Variants in PTPRT observed in about 807,000 individuals in gnomAD.
PTPRT encodes the protein protein tyrosine phosphatase receptor type T.
A neutral mutation model predicts 176.8 loss-of-function variants in PTPRT; 56 were observed. The ratio of observed to expected loss-of-function variants is 0.32; its 90% CI spans 0.26 to 0.40. The LOEUF is 0.40. PTPRT is among the 10% of genes least tolerant of loss of function. PTPRT has a pLI of 1.00. For missense variants in PTPRT, 1,540 were observed against 1,908.2 expected (o/e 0.81, Z 3.60); for synonymous variants, 783 against 739.0 (o/e 1.06, Z -0.96).
chr20:42,495,637 G>A (rs1322669452), intron 7 of PTPRT, among the ~76,000 whole-genome samples: 2 of 152,146 alleles, frequency 1.3e-5, no homozygotes, highest in African/African-American at 4.8e-5. Context: ...GCTCCCTTGA[G>A]GAAGAGGTAG....
chr20:43,135,801 G>A (rs1395824183), intron 1 of PTPRT, among the ~76,000 whole-genome samples: 1 of 152,174 alleles, frequency 6.6e-6, no homozygotes, highest in Non-Finnish European at 1.5e-5. Context: ...GTGTATTGGA[G>A]GCGGTGGGGG....
chr20:42,697,681 G>T (rs991937515), intron 6 of PTPRT, among the ~76,000 whole-genome samples: 3 of 152,124 alleles, frequency 2.0e-5, no homozygotes, highest in African/African-American at 7.2e-5. Flanking sequence ...TCATCAATGG[G>T]GTGGTAAAAA....
At chr20:43,083,300 A>G (rs2011489447) in intron 1 of PTPRT, among the ~76,000 whole-genome samples, 1 of 136,784 alleles carries the variant, frequency 7.3e-6, no homozygotes, top group Admixed American at 7.6e-5. Context: ...TATATACCAT[A>G]AGATTCACCC....
At chr20:42,809,939 C>T (rs2077672961) in intron 2 of PTPRT, among the ~76,000 whole-genome samples, 1 of 152,176 alleles carries the variant, frequency 6.6e-6, no homozygotes, top group African/African-American at 2.4e-5. Context: ...ACTACAACTA[C>T]ACTGGGTGAC....
At chr20:42,937,992 G>A (rs1299432972) in intron 1 of PTPRT, among the ~76,000 whole-genome samples, 1 of 152,072 alleles carries the variant, frequency 6.6e-6, no homozygotes, top group African/African-American at 2.4e-5. Context: ...ATAAAATCAT[G>A]ACTCATACAG....
At chr20:43,005,686 G>A (rs1341966881) in intron 1 of PTPRT, among the ~76,000 whole-genome samples, 1 of 152,182 alleles carries the variant, frequency 6.6e-6, no homozygotes, top group Non-Finnish European at 1.5e-5. Flanking sequence ...CGAATCCCCA[G>A]CAGTCTAGCT....
At chr20:42,462,240 T>C (rs746592043) in intron 8 of PTPRT, among the ~76,000 whole-genome samples, 12 of 152,102 alleles carry the variant, frequency 7.9e-5, no homozygotes, top group Non-Finnish European at 1.5e-4. Flanking sequence ...AGTCTGAAGA[T>C]AGGAGAAATA....
At chr20:42,678,219 A>T in intron 6 of PTPRT, 60 bp from the exon 7 acceptor site, 4 of 1,504,552 alleles carry the variant, frequency 2.7e-6, no homozygotes, top group Non-Finnish European at 3.6e-6. Context: ...AGCAGACTAC[A>T]AGCACATGAC....
intron 12 of PTPRT, among the ~76,000 whole-genome samples, chr20:42,297,696 G>T (rs752922216): frequency 6.6e-6 from 1 of 152,064 alleles, no homozygotes; most frequent in South Asian, 2.1e-4. Flanking sequence ...GATAGAATAC[G>T]ACATCCAGAA....
At chr20:42,212,130 C>T (rs1428658849) in intron 15 of PTPRT, among the ~76,000 whole-genome samples, 3 of 115,852 alleles carry the variant, frequency 2.6e-5, no homozygotes, top group African/African-American at 1.0e-4. Context: ...GGGAATATCA[C>T]ACTCTGGGAA....
chr20:43,104,063 A>G (rs1239318524), intron 1 of PTPRT, among the ~76,000 whole-genome samples: 1 of 152,178 alleles, frequency 6.6e-6, no homozygotes, highest in Non-Finnish European at 1.5e-5. Context: ...TTAATCTCCA[A>G]TGCTCTGTAG....
At chr20:43,038,106 T>A (rs1037870834) in intron 1 of PTPRT, among the ~76,000 whole-genome samples, 1 of 151,328 alleles carries the variant, frequency 6.6e-6, no homozygotes, top group Non-Finnish European at 1.5e-5. Flanking sequence ...TTTGGCTGCA[T>A]AAATATTAAC....
At chr20:42,620,104 T>C (rs1405630691) in intron 7 of PTPRT, among the ~76,000 whole-genome samples, 3 of 147,110 alleles carry the variant, frequency 2.0e-5, no homozygotes, top group African/African-American at 5.2e-5. Flanking sequence ...GATGGTGATG[T>C]ACAGATGGGT....
At chr20:43,131,422 G>A (rs1333000487) in intron 1 of PTPRT, among the ~76,000 whole-genome samples, 2 of 152,124 alleles carry the variant, frequency 1.3e-5, no homozygotes, top group East Asian at 1.9e-4. Flanking sequence ...CTGTTTTCAC[G>A]TTTTGGAACT....
At chr20:42,195,584 C>T (rs1991182006) in intron 16 of PTPRT, among the ~76,000 whole-genome samples, 1 of 151,884 alleles carries the variant, frequency 6.6e-6, no homozygotes, top group Non-Finnish European at 1.5e-5. Flanking sequence ...GTAGCTGTAG[C>T]CTGAGGACGT....
chr20:42,591,439 T>C (rs75043109), intron 7 of PTPRT, among the ~76,000 whole-genome samples: 5,137 of 152,270 alleles, frequency 0.034, 100 homozygotes, highest in Middle Eastern at 0.1. Flanking sequence ...ATAAGATATA[T>C]TGCATGATCC....
chr20:42,469,528 A>C (rs577766647), intron 8 of PTPRT, among the ~76,000 whole-genome samples: 43 of 152,294 alleles, frequency 2.8e-4, no homozygotes, highest in African/African-American at 1.0e-3. Flanking sequence ...CAGATGAGGA[A>C]ACAAAGGCAC....
chr20:42,483,256 C>G (rs541105602), intron 7 of PTPRT, among the ~76,000 whole-genome samples: 1 of 152,268 alleles, frequency 6.6e-6, no homozygotes, highest in Non-Finnish European at 1.5e-5. Context: ...ACTTCCACTT[C>G]CCAGGTTCAA....
chr20:43,046,745 T>G (rs1397677977), intron 1 of PTPRT, among the ~76,000 whole-genome samples: 2 of 152,060 alleles, frequency 1.3e-5, no homozygotes, highest in Admixed American at 1.3e-4. Flanking sequence ...AGAGACACCC[T>G]GGGTTTCAAT....
Sources: allele counts gnomAD v4.1 joint callset (sites outside exome capture counted in the v4.1 genomes callset), GRCh38; gene constraint gnomAD v4.1.1; transcripts MANE v1.5; gene names NCBI Gene and HGNC (gene_info 2026-07-23, HGNC 2026-07-21).